The following POGLUT2 variants were observed in gnomAD, a reference collection of about 807,000 sequenced individuals.
POGLUT2 encodes ER protein 58.
POGLUT2 carries 47 observed loss-of-function variants against 57.6 expected under a neutral mutation model. The ratio of observed to expected loss-of-function variants is 0.82; its 90% CI spans 0.65 to 1.04. The LOEUF (loss-of-function observed/expected upper bound fraction) is 1.04. POGLUT2 is among the 50% of genes least tolerant of loss of function. POGLUT2 has a pLI of 0.00. For synonymous variants in POGLUT2, 200 were observed against 218.8 expected, an observed-to-expected ratio of 0.91 and a Z score of 0.76; for missense variants, 565 against 614.8, an observed-to-expected ratio of 0.92 and a Z score of 0.86.
intron 8 of POGLUT2, among the ~76,000 whole-genome samples, chr13:102,786,642 C>G (rs1349043350): frequency 1.3e-5 from 2 of 152,110 alleles, no homozygotes; most frequent in Non-Finnish European, 2.9e-5. Flanking sequence ...ACAATCTTCC[C>G]TAGACTGAGA....
intron 2 of POGLUT2, among the ~76,000 whole-genome samples, chr13:102,796,293 C>CAAAAAAAAAAAAA (rs151064207): frequency 1.5e-4 from 15 of 100,724 alleles, no homozygotes; most frequent in Middle Eastern, 5.9e-3. Context: ...GACTCTGCCT[C>CAAAAAAAAAAAAA]AAAAAAAAAA....
Position 102,787,940 on chromosome 13 carries a change from G to A in POGLUT2, c.1294-17C>T, listed in dbSNP as rs758625756. ...CTTTTTGGCCTACAGGAAGAACAAC[G>A]ACAAAATCCTGTAATAGAATCCATT... On this transcript the variant is annotated splice_polypyrimidine_tract_variant and intron_variant, in intron 7 of 9. Coordinates refer to ENST00000376004, the MANE Select transcript of POGLUT2 (RefSeq NM_024089.3). 4.6e-6 allele frequency: 7 copies of A among 1,513,052 alleles called. No homozygotes were observed. Among genetic ancestry groups the A allele is most frequent in the East Asian group, 4.5e-5 (2 of 44,056 alleles). 93.7% of individuals were successfully genotyped at this position (1,513,052 alleles called of 1,614,324 possible). A position where few individuals can be genotyped will look rare whatever the true frequency, so the allele number is the denominator to read the frequency against.
intron 8 of POGLUT2, among the ~76,000 whole-genome samples, chr13:102,787,383 G>A (rs1020708137): frequency 6.6e-6 from 1 of 152,062 alleles, no homozygotes; most frequent in Non-Finnish European, 1.5e-5. Context: ...TTAAATCGTC[G>A]GATATGCTTG....
chr13:102,790,895 T>A lies in POGLUT2; in HGVS notation c.1083+6A>T. 3.3e-6 allele frequency: 5 copies of A among 1,536,514 alleles called. No homozygotes were observed. Among genetic ancestry groups the A allele is most frequent in the Non-Finnish European group, 4.5e-6 (5 of 1,109,554 alleles). ...CAAAAAAGATTAGCTACTGATTAAGTCATACCTTGAAGAAATCAAAAAATG... is the reference window on the plus strand; with the variant it reads ...CAAAAAAGATTAGCTACTGATTAAGACATACCTTGAAGAAATCAAAAAATG... On this transcript the variant is annotated splice_donor_region_variant and intron_variant, in intron 6 of 9. Coordinates refer to ENST00000376004, the MANE Select transcript of POGLUT2 (RefSeq NM_024089.3).
intron 2 of POGLUT2, 65 bp from the exon 3 acceptor site, chr13:102,793,871 A>G (rs1357128393): frequency 1.5e-6 from 2 of 1,356,972 alleles, no homozygotes; most frequent in East Asian, 4.6e-5. Flanking sequence ...AACTTGTAAT[A>G]AACATCTATA....
rs375697155 is a variant in POGLUT2, at chr13:102,796,994, T to G, written c.198A>C (p.Pro66=). ...DTSGNKFTSS[P]GEKVFQVKVS... Reference sequence around the variant, plus strand: ...CTTTCACCTGGAAGACCTTTTCGCCTGGAGAAGATGTGAATCTGTGATGAA... The same window carrying G: ...CTTTCACCTGGAAGACCTTTTCGCCGGGAGAAGATGTGAATCTGTGATGAA... The change falls in exon 2 of 10, where the codon CCA becomes CCC. Residue 66 remains proline (P), a synonymous_variant. Transcript: ENST00000376004. The G allele has an allele frequency of 6.9e-5, 112 of 1,612,016 alleles. No individual in the cohort carries two copies. Among genetic ancestry groups the G allele is most frequent in the Non-Finnish European group, 9.1e-5 (107 of 1,179,028 alleles).
chr13:102,787,171 C>T (rs967865076), intron 8 of POGLUT2, among the ~76,000 whole-genome samples: 2 of 151,948 alleles, frequency 1.3e-5, no homozygotes, highest in Admixed American at 6.6e-5. Context: ...CTCAGCCTCC[C>T]GAATAGCTGG....
rs373001790 is a variant in POGLUT2, at chr13:102,791,032, C to T, written c.952G>A (p.Glu318Lys). 3.5e-5 allele frequency: 57 copies of T among 1,614,020 alleles called. No individual in the cohort carries two copies. The highest frequency in any genetic ancestry group is 5.3e-5 in the African/African-American group (4 of 74,918). Residue 318 changes from glutamate to lysine, a missense_variant, in exon 6 of 10, where the codon GAG becomes AAG. Glu to Lys is a moderately conservative substitution (Grantham distance 56). Coordinates refer to ENST00000376004, the MANE Select transcript of POGLUT2 (RefSeq NM_024089.3). ...TGTTTTCTACTGAGTTTAACCAGCTCGAGTCTCTCTTTGCGGCTGTCTCGC... is the reference window on the plus strand; with the variant it reads ...TGTTTTCTACTGAGTTTAACCAGCTTGAGTCTCTCTTTGCGGCTGTCTCGC... The part of the protein sequence containing the change: ...RGRDSRKERL[E>K]LVKLSRKHPE...
At position 102,791,069 on chromosome 13, in the gene POGLUT2, G is replaced by C; in HGVS notation, c.915C>G (p.Ala305=). Residue 305 remains alanine, a synonymous_variant, in exon 6 of 10, where the codon GCC becomes GCG. Coordinates refer to ENST00000376004, the MANE Select transcript of POGLUT2 (RefSeq NM_024089.3). ...TGCGGCTGTCTCGCCCTCTCCAGAC[G>C]GCAGTGGAATTTTTGCTTTCCCAGG... ...GPPWESKNST[A]VWRGRDSRKE... 1 of 1,614,128 alleles carries C rather than the reference G, an allele frequency of 6.2e-7. No homozygotes were observed. The highest frequency in any genetic ancestry group is 2.2e-5 in the East Asian group (1 of 44,876).
chr13:102,790,838 C>T, intron 6 of POGLUT2, 63 bp downstream of exon 6: 1 of 1,134,160 alleles, frequency 8.8e-7, no homozygotes, highest in South Asian at 1.3e-5. Flanking sequence ...ATTTCCCTTC[C>T]CAAAGCACTA....
chr13:102,786,125 G>A, intron 9 of POGLUT2, 107 bp downstream of exon 9: 1 of 729,548 alleles, frequency 1.4e-6, no homozygotes, highest in African/African-American at 1.7e-5. Flanking sequence ...GACCTCGAGA[G>A]GAACTCAAAT....
chr13:102,788,696 G>A (rs1878049303), intron 7 of POGLUT2, among the ~76,000 whole-genome samples: 1 of 152,194 alleles, frequency 6.6e-6, no homozygotes, highest in Admixed American at 6.5e-5. Context: ...ATGTTAGCCA[G>A]GCTGGTCTTG....
At position 102,798,825 on chromosome 13, in the gene POGLUT2, G is replaced by T; in HGVS notation, c.-155C>A. On this transcript the variant is annotated 5_prime_UTR_variant, in exon 1 of 10. Transcript: ENST00000376004. ...CCCGGCGTGCAGGGCAGGCGCGCGG[G>T]TCTCCGCGACCCCAGGACAATCAAA... The T allele has an allele frequency of 1.4e-6, 1 of 711,270 alleles. No individual in the cohort carries two copies. The highest frequency in any genetic ancestry group is 2.2e-6 in the Non-Finnish European group (1 of 457,944). The allele number at this position is 711,270 out of a possible 1,614,324, so 44.1% of individuals were successfully genotyped here. A position where few individuals can be genotyped will look rare whatever the true frequency, so the allele number is the denominator to read the frequency against.
At position 102,791,260 on chromosome 13, in the gene POGLUT2, G is replaced by T; in HGVS notation, c.843C>A (p.Gly281=). 1 of 1,602,150 alleles carries T rather than the reference G, an allele frequency of 6.2e-7. No homozygotes were observed. Among genetic ancestry groups the T allele is most frequent in the East Asian group, 2.2e-5 (1 of 44,788 alleles). Residue 281 remains glycine (G), a splice_region_variant and synonymous_variant, in exon 5 of 10, where the codon GGC becomes GGA. Transcript: ENST00000376004. ...DLTDSVLETM[G]RVSLDMMSVQ... ...GCCAACCCTGACTTATCTCTCACCG[G>T]CCCATGGTTTCCAGAACAGAATCAG...
chr13:102,788,859 C>G lies in POGLUT2; in HGVS notation c.1293+153G>C, dbSNP rs2296649. 2.4e-4 allele frequency among the ~76,000 whole-genome samples: 37 copies of G among 152,314 alleles called. 1 individual carries two copies. The East Asian group carries it at 6.4e-3, about 26-fold the overall frequency. ...GCCCGCTGTGTTCAGCCTAGGGGAA[C>G]TGCCGTGCCATCTATGGGCAGGCAG... is the stretch of plus-strand genomic sequence containing the variant. On this transcript the variant is annotated intron_variant, in intron 7 of 9. Coordinates refer to ENST00000376004, the MANE Select transcript of POGLUT2 (RefSeq NM_024089.3).
chr13:102,796,699 A>ATATATATATATATAT (rs1185943886), intron 2 of POGLUT2, 105 bp downstream of exon 2: 3 of 150,198 alleles, frequency 2.0e-5, no homozygotes, highest in African/African-American at 8.6e-5. Context: ...AAAAAAAAAA[A>ATATATATATATATAT]ATATATATAT....
chr13:102,794,929 TTC>T (rs78297657), intron 2 of POGLUT2, among the ~76,000 whole-genome samples: 1 of 131,148 alleles, frequency 7.6e-6, no homozygotes, highest in African/African-American at 3.7e-5. Flanking sequence ...GGAACTGCTA[TTC>T]TTTTTTTTTT....
chr13:102,795,348 A>G (rs2139101323), intron 2 of POGLUT2, among the ~76,000 whole-genome samples: 1 of 151,486 alleles, frequency 6.6e-6, no homozygotes, highest in African/African-American at 2.4e-5. Flanking sequence ...AGATCACTTG[A>G]GCTCCAGGGT....
At position 102,789,021 on chromosome 13, in the gene POGLUT2, G is replaced by A. The variant is rs997936858; in HGVS notation, c.1284C>T (p.His428=). The change falls in exon 7 of 10, where the codon CAC becomes CAT. Residue 428 remains histidine (H), a synonymous_variant. Transcript: ENST00000376004. Reference sequence around the variant, plus strand: ...AGGGGACTAACCTTACCTCTTCATCGTGATCTTTCGCCCATTTAAGTTTTT... The same window carrying A: ...AGGGGACTAACCTTACCTCTTCATCATGATCTTTCGCCCATTTAAGTTTTT... ...LLEKLKWAKD[H]DEEAKKIAKA... is the part of the protein sequence containing the mutation. 1.9e-5 allele frequency: 31 copies of A among 1,613,176 alleles called. No individual in the cohort carries two copies. The highest frequency in any genetic ancestry group is 2.5e-5 in the Non-Finnish European group (29 of 1,179,472).
Sources: gnomAD v4.1 joint callset for allele counts (sites outside exome capture counted in the v4.1 genomes callset) on GRCh38, gnomAD v4.1.1 for gene constraint, MANE v1.5 for transcripts, NCBI Gene and HGNC (gene_info 2026-07-23, HGNC 2026-07-21) for gene names.